The following ITCH variants were observed in gnomAD, a reference collection of about 807,000 sequenced individuals.
The protein encoded by ITCH is itchy E3 ubiquitin protein ligase.
A neutral mutation model predicts 126.8 loss-of-function variants in ITCH; 28 were observed. That is an observed-to-expected ratio of 0.22 (90% CI 0.16 to 0.30). The LOEUF is 0.30. ITCH is among the 10% of genes least tolerant of loss of function. The pLI is 1.00. For synonymous variants in ITCH, 342 were observed against 340.0 expected, an observed-to-expected ratio of 1.01 and a Z score of -0.06; for missense variants, 631 against 1,032.4, an observed-to-expected ratio of 0.61 and a Z score of 5.33.
At chr20:34,412,667 C>T in intron 5 of ITCH, 28 bp downstream of exon 5, 1 of 1,581,468 alleles carries the variant, frequency 6.3e-7, no homozygotes, top group Non-Finnish European at 8.7e-7. Context: ...ATAGAAATTG[C>T]ACTTAGCTGT....
intron 14 of ITCH, 54 bp from the exon 15 acceptor site, chr20:34,469,994 C>A: frequency 7.0e-7 from 1 of 1,425,684 alleles, no homozygotes; most frequent in Non-Finnish European, 9.9e-7. Flanking sequence ...TTTCCTTCAG[C>A]ATTATCTTTT....
At chr20:34,497,933 G>A (rs760622051) in intron 23 of ITCH, among the ~76,000 whole-genome samples, 7 of 152,146 alleles carry the variant, frequency 4.6e-5, no homozygotes, top group Non-Finnish European at 7.4e-5. Context: ...TTAATAGTAC[G>A]GTTATTAGTG....
chr20:34,436,996 G>C (rs1983088313), intron 7 of ITCH, among the ~76,000 whole-genome samples: 3 of 152,054 alleles, frequency 2.0e-5, no homozygotes, highest in Admixed American at 1.3e-4. Flanking sequence ...GCGCGTGGTG[G>C]CAGGTGCCTG....
rs1979419654 is a variant in ITCH, at chr20:34,413,895, T to G, written c.475+16T>G. The G allele has an allele frequency of 6.3e-7, 1 of 1,585,510 alleles. No homozygotes were observed. Among genetic ancestry groups the G allele is most frequent in the Non-Finnish European group, 8.7e-7 (1 of 1,154,120 alleles). ...TGTTCAGAAAGTAAGTGACTACCTT[T>G]TTAAGGTCTTTAATGATTCTTCTTA... On this transcript the variant is annotated intron_variant, in intron 6 of 24. Coordinates refer to ENST00000374864, the MANE Select transcript of ITCH (RefSeq NM_031483.7).
intron 13 of ITCH, 37 bp downstream of exon 13, chr20:34,457,511 A>C (rs1254441305): frequency 6.1e-6 from 8 of 1,321,498 alleles, no homozygotes; most frequent in Non-Finnish European, 8.7e-6. Flanking sequence ...AATCTCTTAA[A>C]GATTATACCT....
At position 34,406,856 on chromosome 20, in the gene ITCH, A is replaced by G. The variant is rs568232312; in HGVS notation, c.71-1795A>G. ...GCTATATTAAGCTTCTTAAGTAGTT[A>G]CTATATAAACTCCTCTGACAACTCC... On this transcript the variant is annotated intron_variant, in intron 3 of 24. Transcript: ENST00000374864. Among the ~76,000 whole-genome samples the G allele has an allele frequency of 3.3e-5, 5 of 152,226 alleles. No homozygotes were observed. The South Asian group carries it at 1.0e-3, about 32-fold the overall frequency.
chr20:34,377,150 G>T (rs902110892), intron 2 of ITCH, among the ~76,000 whole-genome samples: 3 of 152,124 alleles, frequency 2.0e-5, no homozygotes, highest in Non-Finnish European at 4.4e-5. Flanking sequence ...GAGGTGGGCG[G>T]ATCACTTGAG....
At chr20:34,500,778 T>C (rs990542164) in intron 23 of ITCH, among the ~76,000 whole-genome samples, 8 of 152,160 alleles carry the variant, frequency 5.3e-5, no homozygotes, top group African/African-American at 1.4e-4. Context: ...ATCATTATGG[T>C]TTTTGTGGTT....
intron 23 of ITCH, 73 bp downstream of exon 23, chr20:34,492,670 C>A: frequency 2.1e-6 from 2 of 949,100 alleles, no homozygotes; most frequent in Non-Finnish European, 3.5e-6. Flanking sequence ...GTGTATACAG[C>A]CTATTAGAAA....
intron 2 of ITCH, among the ~76,000 whole-genome samples, chr20:34,388,906 A>G (rs2038387433): frequency 6.6e-6 from 1 of 152,232 alleles, no homozygotes. Flanking sequence ...TAGTCCCCTT[A>G]TAACAGAAAA....
At chr20:34,370,489 C>T (rs369807204) in intron 2 of ITCH, among the ~76,000 whole-genome samples, 11 of 151,994 alleles carry the variant, frequency 7.2e-5, no homozygotes, top group African/African-American at 2.2e-4. Flanking sequence ...CATGGTGAAA[C>T]TCCATCTCTA....
chr20:34,441,934 G>T, intron 9 of ITCH: 1 of 418,240 alleles, frequency 2.4e-6, no homozygotes, highest in African/African-American at 2.0e-5. Context: ...GAGTGACTTC[G>T]GTATCCTAGG....
At chr20:34,401,750 C>T (rs1414049729) in intron 3 of ITCH, 4 of 515,616 alleles carry the variant, frequency 7.8e-6, no homozygotes, top group Non-Finnish European at 1.0e-5. Flanking sequence ...AACCTCCCCC[C>T]TAAAAAAGAG....
In ITCH at chr20:34,417,651, A is replaced by G. The variant is rs1013010309; in HGVS notation, c.475+3772A>G. On this transcript the variant is annotated intron_variant, in intron 6 of 24. Coordinates refer to ENST00000374864, the MANE Select transcript of ITCH (RefSeq NM_031483.7). Reference sequence around the variant, plus strand: ...CGGACCTCAGTTGATCCGCCTGCCTAGGCCTCCCAAAGTGCTGGGATTATA... The same window carrying G: ...CGGACCTCAGTTGATCCGCCTGCCTGGGCCTCCCAAAGTGCTGGGATTATA... 2.1e-5 allele frequency among the ~76,000 whole-genome samples: 3 copies of G among 142,568 alleles called. No individual in the cohort carries two copies. In the East Asian group the frequency reaches 6.5e-4, roughly 31 times the overall value. The allele number at this position is 142,568 out of a possible 152,430, so 93.5% of individuals were successfully genotyped here. A position where few individuals can be genotyped will look rare whatever the true frequency, so the allele number is the denominator to read the frequency against.
intron 1 of ITCH, among the ~76,000 whole-genome samples, chr20:34,365,575 C>T (rs1254872777): frequency 6.6e-6 from 1 of 152,040 alleles, no homozygotes; most frequent in Non-Finnish European, 1.5e-5. Context: ...CCACCACTCC[C>T]GGTAATTTTT....
At chr20:34,370,994 C>T (rs914540204) in intron 2 of ITCH, among the ~76,000 whole-genome samples, 2 of 151,608 alleles carry the variant, frequency 1.3e-5, no homozygotes, top group African/African-American at 4.8e-5. Context: ...AGGTGAAACC[C>T]CGTCTCTACT....
intron 2 of ITCH, among the ~76,000 whole-genome samples, chr20:34,371,709 C>T (rs931832583): frequency 6.6e-6 from 1 of 152,096 alleles, no homozygotes; most frequent in African/African-American, 2.4e-5. Flanking sequence ...TAAAATATTT[C>T]TCAGCATATC....
intron 20 of ITCH, among the ~76,000 whole-genome samples, chr20:34,482,932 C>G (rs1167751437): frequency 4.6e-5 from 7 of 152,190 alleles, no homozygotes; most frequent in Admixed American, 4.6e-4. Context: ...TCCCAAGCCT[C>G]AATTTTTGCC....
chr20:34,441,917 T>C (rs943757033), intron 9 of ITCH: 1 of 393,370 alleles, frequency 2.5e-6, no homozygotes, highest in Admixed American at 3.6e-5. Flanking sequence ...GATTATACCC[T>C]GATTGAGAGT....
Sources: allele counts gnomAD v4.1 joint callset (sites outside exome capture counted in the v4.1 genomes callset), GRCh38; gene constraint gnomAD v4.1.1; transcripts MANE v1.5; gene names NCBI Gene and HGNC (gene_info 2026-07-23, HGNC 2026-07-21).